HEG1: variants seen among roughly 807,000 people sequenced by gnomAD.
HEG1 encodes the protein heart development protein with EGF like domains 1.
HEG1 carries 56 observed loss-of-function variants against 125.6 expected under a neutral mutation model. The observed-to-expected ratio is 0.45, with a 90% confidence interval of 0.36 to 0.56. HEG1 has a LOEUF of 0.56. Among genes scored for constraint, HEG1 ranks in the 20% least tolerant of loss-of-function variants. The pLI, the probability that HEG1 is intolerant of heterozygous loss-of-function variation, is 0.00. For missense variants in HEG1, 1,523 were observed against 1,670.0 expected (o/e 0.91, Z 1.53); for synonymous variants, 644 against 668.5 (o/e 0.96, Z 0.57).
chr3:124,979,209 C>T (rs1345447551), intron 14 of HEG1, among the ~76,000 whole-genome samples: 3 of 152,164 alleles, frequency 2.0e-5, no homozygotes, highest in Non-Finnish European at 2.9e-5. Flanking sequence ...GCCTCGGCCT[C>T]CCAAAGTGCT....
At chr3:125,031,834 A>G (rs1024679740) in intron 1 of HEG1, among the ~76,000 whole-genome samples, 3 of 152,074 alleles carry the variant, frequency 2.0e-5, no homozygotes, top group Non-Finnish European at 4.4e-5. Flanking sequence ...ACACACACGC[A>G]CACACACATA....
Position 124,966,339 on chromosome 3 carries a change from T to C in HEG1, c.*4313A>G, listed in dbSNP as rs947283627. On this transcript the variant is annotated 3_prime_UTR_variant, in exon 17 of 17. Transcript: ENST00000311127. Reference sequence around the variant, plus strand: ...TTCTGTGAGCAGTTTACACCAGATATGATGGAGTATAACGCTAATGAAGAT... The same window carrying C: ...TTCTGTGAGCAGTTTACACCAGATACGATGGAGTATAACGCTAATGAAGAT... 6.6e-6 allele frequency: 1 copy of C among 152,258 alleles called. No individual in the cohort carries two copies. The highest frequency in any genetic ancestry group is 2.4e-5 in the African/African-American group (1 of 41,476). 9.4% of individuals were successfully genotyped at this position (152,258 alleles called of 1,614,324 possible).
chr3:125,005,158 G>C, intron 9 of HEG1, 107 bp downstream of exon 9: 2 of 669,384 alleles, frequency 3.0e-6, no homozygotes, highest in Non-Finnish European at 5.2e-6. Context: ...TATAACAAAA[G>C]TGAAGAGCCC....
In HEG1 at chr3:125,044,557, G is replaced by A. The variant is rs2981535; in HGVS notation, c.316+11018C>T. 5.2e-3 allele frequency among the ~76,000 whole-genome samples: 784 copies of A among 152,214 alleles called. 4 individuals are homozygous for A. The highest frequency in any genetic ancestry group is 8.6e-3 in the Non-Finnish European group (584 of 68,016). Reference sequence around the variant, plus strand: ...CACGACAGCCTTATGAGGTCCTCCCGTTATTATCCCTACTTTTCTGATAAG... The same window carrying A: ...CACGACAGCCTTATGAGGTCCTCCCATTATTATCCCTACTTTTCTGATAAG... On this transcript the variant is annotated intron_variant, in intron 1 of 16. Transcript: ENST00000311127.
intron 5 of HEG1, among the ~76,000 whole-genome samples, chr3:125,015,349 G>A (rs928630369): frequency 2.0e-5 from 3 of 152,208 alleles, no homozygotes; most frequent in African/African-American, 4.8e-5. Context: ...AACAGTTGGT[G>A]AAAGACTAAT....
rs1219921212 is a variant in HEG1 at position 125,029,433 on chromosome 3, G to A, written c.372C>T (p.Ile124=). 3 of 1,605,040 alleles carry A rather than the reference G, an allele frequency of 1.9e-6. No individual in the cohort carries two copies. Among genetic ancestry groups the A allele is most frequent in the Non-Finnish European group, 1.7e-6 (2 of 1,179,782 alleles). ...AGTCCTCTTGATTCTGATAGAAGGT[G>A]ATGTTTTCTACATGGGCCTCAGTGT... ...ESNTEAHVEN[I]TFYQNQEDFS... is the part of the protein sequence containing the mutation. Residue 124 remains isoleucine, a synonymous_variant, in exon 2 of 17, where the codon ATC becomes ATT. Coordinates refer to ENST00000311127, the MANE Select transcript of HEG1 (RefSeq NM_020733.2).
At position 125,013,091 on chromosome 3, in the gene HEG1, C is replaced by T; in HGVS notation, c.2488G>A (p.Ala830Thr). The change falls in exon 6 of 17, where the codon GCC (alanine) becomes ACC (threonine). Residue 830 changes from alanine (A) to threonine (T), a missense_variant. By Grantham distance (58) the Ala-to-Thr change is moderately conservative. Coordinates refer to ENST00000311127, the MANE Select transcript of HEG1 (RefSeq NM_020733.2). ...ATTTGTGCTAAGTTGGTGCTTGTGGCTGGAAGGGTTTGCTCTGTGGAGGAC... is the reference window on the plus strand; with the variant it reads ...ATTTGTGCTAAGTTGGTGCTTGTGGTTGGAAGGGTTTGCTCTGTGGAGGAC... ...TESSTEQTLP[A>T]TSTNLAQMSP... 6.2e-6 allele frequency: 10 copies of T among 1,613,922 alleles called. No homozygotes were observed. The highest frequency in any genetic ancestry group is 2.2e-5 in the East Asian group (1 of 44,884).
At position 124,968,803 on chromosome 3, in the gene HEG1, G is replaced by A. The variant is rs542599601; in HGVS notation, c.*1849C>T. ...GGTGCGAGGCCGTGAGCCACAAAGGGCCATTGGTTCTACAGAGAGAGAGGC... is the reference window on the plus strand; with the variant it reads ...GGTGCGAGGCCGTGAGCCACAAAGGACCATTGGTTCTACAGAGAGAGAGGC... On this transcript the variant is annotated 3_prime_UTR_variant, in exon 17 of 17. Coordinates refer to ENST00000311127, the MANE Select transcript of HEG1 (RefSeq NM_020733.2). The A allele has an allele frequency of 5.3e-5, 8 of 152,336 alleles. No individual in the cohort carries two copies. In the East Asian group the frequency reaches 1.4e-3, roughly 26 times the overall value. 9.4% of individuals were successfully genotyped at this position (152,336 alleles called of 1,614,324 possible).
At chr3:124,992,276 T>C (rs1247859374) in intron 12 of HEG1, among the ~76,000 whole-genome samples, 3 of 152,300 alleles carry the variant, frequency 2.0e-5, no homozygotes, top group East Asian at 1.9e-4. Context: ...ACTGAAGCAG[T>C]TGCAGCCTGG....
chr3:125,029,995 T>C (rs1314013533), intron 1 of HEG1, among the ~76,000 whole-genome samples: 2 of 152,196 alleles, frequency 1.3e-5, no homozygotes, highest in African/African-American at 2.4e-5. Context: ...TTAAATTTCA[T>C]TGTGCATAGA....
At chr3:125,039,599 A>C (rs1339962707) in intron 1 of HEG1, among the ~76,000 whole-genome samples, 1 of 152,154 alleles carries the variant, frequency 6.6e-6, no homozygotes, top group African/African-American at 2.4e-5. Context: ...ACTAACATCT[A>C]TTTAGGGCTT....
At chr3:125,023,945 A>G (rs766931313) in intron 3 of HEG1, among the ~76,000 whole-genome samples, 1 of 146,708 alleles carries the variant, frequency 6.8e-6, no homozygotes. Context: ...TGCTATCCAG[A>G]ACTTGCCGAA....
At chr3:124,991,574 G>C (rs1473346322) in intron 12 of HEG1, among the ~76,000 whole-genome samples, 1 of 152,164 alleles carries the variant, frequency 6.6e-6, no homozygotes, top group African/African-American at 2.4e-5. Context: ...CTTAGTACAG[G>C]TCTGGTACAT....
chr3:125,052,293 G>A (rs533224351), intron 1 of HEG1, among the ~76,000 whole-genome samples: 65 of 152,296 alleles, frequency 4.3e-4, no homozygotes, highest in African/African-American at 1.4e-3. Flanking sequence ...CTTGCCCGCT[G>A]CACCTTGTAA....
At chr3:125,003,163 TAAACAGAAC>T (rs1464820810) in intron 9 of HEG1, among the ~76,000 whole-genome samples, 1 of 152,210 alleles carries the variant, frequency 6.6e-6, no homozygotes, top group Non-Finnish European at 1.5e-5. Context: ...CCAGGTTTGG[TAAACAGAAC>T]ACCTCGGGAA....
In HEG1 at chr3:125,035,716, CA is replaced by C. The variant is rs899782724; in HGVS notation, c.317-6229del. ...ATCAGATGCAAGGCAATATAATGAGCAAAAAAAATACATGTGTGAATAAATC... is the reference window on the plus strand; with the variant it reads ...ATCAGATGCAAGGCAATATAATGAGCAAAAAAATACATGTGTGAATAAATC... On this transcript the variant is annotated intron_variant, in intron 1 of 16. Coordinates refer to ENST00000311127, the MANE Select transcript of HEG1 (RefSeq NM_020733.2). 4.0e-5 allele frequency among the ~76,000 whole-genome samples: 6 copies of C among 150,384 alleles called. No individual in the cohort carries two copies. In the East Asian group the frequency reaches 9.8e-4, roughly 24 times the overall value.
intron 8 of HEG1, among the ~76,000 whole-genome samples, chr3:125,006,168 A>G (rs2107697857): frequency 6.6e-6 from 1 of 152,280 alleles, no homozygotes; most frequent in Non-Finnish European, 1.5e-5. Context: ...GCTATACTCC[A>G]TGGGGCTGCC....
chr3:124,989,975 T>A (rs1453844807), intron 14 of HEG1, among the ~76,000 whole-genome samples: 2 of 152,140 alleles, frequency 1.3e-5, no homozygotes, highest in Non-Finnish European at 2.9e-5. Context: ...CTTCCTATCT[T>A]CCAGCCACAT....
chr3:124,982,903 G>A (rs1159909301), intron 14 of HEG1, among the ~76,000 whole-genome samples: 24 of 152,154 alleles, frequency 1.6e-4, no homozygotes. Context: ...CACAATTGCT[G>A]AGCTAGAGAC....
Sources: gnomAD v4.1 joint callset for allele counts (sites outside exome capture counted in the v4.1 genomes callset) on GRCh38, gnomAD v4.1.1 for gene constraint, MANE v1.5 for transcripts, NCBI Gene and HGNC (gene_info 2026-07-23, HGNC 2026-07-21) for gene names.